Variants in MYRIP observed in about 807,000 individuals in gnomAD.
MYRIP encodes myosin VIIA and Rab interacting protein.
Under a neutral mutation model 98.0 loss-of-function variants are expected in MYRIP, and 49 were observed. That is an observed-to-expected ratio of 0.50 (90% CI 0.40 to 0.63). MYRIP has a LOEUF of 0.63. Ranked by LOEUF, MYRIP falls within the 30% of genes least tolerant of loss-of-function variation. MYRIP has a pLI of 0.00. For missense variants in MYRIP, 1,004 were observed against 1,058.2 expected, an observed-to-expected ratio of 0.95 and a Z score of 0.71; for synonymous variants, 404 against 409.5, an observed-to-expected ratio of 0.99 and a Z score of 0.16.
intron 1 of MYRIP, among the ~76,000 whole-genome samples, chr3:39,887,884 A>G (rs1234297564): frequency 1.3e-5 from 2 of 152,092 alleles, no homozygotes; most frequent in East Asian, 1.9e-4. Flanking sequence ...TACACCAACA[A>G]CAGACAAACA....
chr3:40,093,927 A>G (rs953147320), intron 3 of MYRIP, among the ~76,000 whole-genome samples: 1 of 152,006 alleles, frequency 6.6e-6, no homozygotes, highest in Admixed American at 6.6e-5. Flanking sequence ...TTCCACCTGT[A>G]TATTTCCCCT....
chr3:40,113,521 G>A (rs1274639787), intron 3 of MYRIP, among the ~76,000 whole-genome samples: 2 of 152,188 alleles, frequency 1.3e-5, no homozygotes, highest in Non-Finnish European at 2.9e-5. Context: ...AGCCATATGG[G>A]ATAGTTATTT....
intron 12 of MYRIP, among the ~76,000 whole-genome samples, chr3:40,241,839 T>TTC (rs1171297780): frequency 6.6e-6 from 1 of 152,226 alleles, no homozygotes; most frequent in Admixed American, 6.5e-5. Flanking sequence ...GTGAATATTT[T>TTC]TCAAATGGGT....
At chr3:40,045,553 A>G (rs1264044889) in intron 3 of MYRIP, among the ~76,000 whole-genome samples, 1 of 152,234 alleles carries the variant, frequency 6.6e-6, no homozygotes, top group Non-Finnish European at 1.5e-5. Flanking sequence ...TCTATTTCTC[A>G]GTCAAGGTGG....
rs747061422 is a variant in MYRIP at position 40,023,258 on chromosome 3, G to A, written c.111-20792G>A. 2.4e-4 allele frequency among the ~76,000 whole-genome samples: 36 copies of A among 152,200 alleles called. 1 individual carries two copies. The highest frequency in any genetic ancestry group is 4.1e-4 in the Non-Finnish European group (28 of 68,032). On this transcript the variant is annotated intron_variant, in intron 2 of 16. Transcript: ENST00000302541. Reference sequence around the variant, plus strand: ...TAAAAAAATCTGGATTTGACAATACGTGACTTCAGCTCTCTGATGTGTCAG... The same window carrying A: ...TAAAAAAATCTGGATTTGACAATACATGACTTCAGCTCTCTGATGTGTCAG...
chr3:40,147,153 C>G (rs1365052611), intron 3 of MYRIP, among the ~76,000 whole-genome samples: 1 of 152,140 alleles, frequency 6.6e-6, no homozygotes, highest in East Asian at 1.9e-4. Flanking sequence ...GAATAGTTCA[C>G]TTTTTTCCTA....
At chr3:40,184,548 A>G (rs1575605236) in intron 9 of MYRIP, among the ~76,000 whole-genome samples, 1 of 152,354 alleles carries the variant, frequency 6.6e-6, no homozygotes, top group Non-Finnish European at 1.5e-5. Flanking sequence ...CATGACTCCA[A>G]TTTGCAGGTT....
chr3:39,925,903 C>A (rs1944412994), intron 2 of MYRIP, among the ~76,000 whole-genome samples: 1 of 152,060 alleles, frequency 6.6e-6, no homozygotes, highest in Admixed American at 6.6e-5. Context: ...TGAGAAACCT[C>A]CAAACTACTT....
At chr3:39,951,586 A>G (rs371801771) in intron 2 of MYRIP, among the ~76,000 whole-genome samples, 3 of 152,196 alleles carry the variant, frequency 2.0e-5, no homozygotes, top group African/African-American at 4.8e-5. Context: ...CTATCTTTCA[A>G]TAAACTTTGT....
At chr3:39,876,268 A>T (rs1223028869) in intron 1 of MYRIP, among the ~76,000 whole-genome samples, 1 of 152,176 alleles carries the variant, frequency 6.6e-6, no homozygotes, top group Non-Finnish European at 1.5e-5. Flanking sequence ...TGAATACAGC[A>T]CACTGTTGGG....
intron 10 of MYRIP, among the ~76,000 whole-genome samples, chr3:40,195,593 G>A (rs1412865357): frequency 6.6e-6 from 1 of 152,144 alleles, no homozygotes; most frequent in Non-Finnish European, 1.5e-5. Flanking sequence ...ACTGTGCCTG[G>A]CCAGCTTTTT....
chr3:40,130,885 C>T (rs1326755076), intron 3 of MYRIP, among the ~76,000 whole-genome samples: 1 of 152,122 alleles, frequency 6.6e-6, no homozygotes, highest in Admixed American at 6.5e-5. Context: ...AGTTATATGA[C>T]CATCACAACC....
chr3:40,254,901 A>G (rs1301213951), intron 16 of MYRIP, among the ~76,000 whole-genome samples: 1 of 152,216 alleles, frequency 6.6e-6, no homozygotes, highest in East Asian at 1.9e-4. Context: ...ACAAGGACAA[A>G]TTTATTTTGT....
chr3:40,164,294 A>G lies in MYRIP; in HGVS notation c.550+1484A>G, dbSNP rs547489367. Among the ~76,000 whole-genome samples the G allele has an allele frequency of 2.0e-5, 3 of 152,336 alleles. No homozygotes were observed. The East Asian group carries it at 5.8e-4, about 29-fold the overall frequency. The stretch of plus-strand genomic sequence containing the variant: ...AATTTCAGTGGCCATCTGTATCAGC[A>G]GTGTTCTCCAATACACTAAGTATAT... On this transcript the variant is annotated intron_variant, in intron 5 of 16. Coordinates refer to ENST00000302541, the MANE Select transcript of MYRIP (RefSeq NM_015460.4).
At chr3:40,047,095 C>A (rs1947685591) in intron 3 of MYRIP, among the ~76,000 whole-genome samples, 1 of 152,306 alleles carries the variant, frequency 6.6e-6, no homozygotes, top group East Asian at 1.9e-4. Flanking sequence ...AATGGAAGAA[C>A]CTTGCCTCGC....
chr3:40,037,863 AC>A lies in MYRIP; in HGVS notation c.111-6184del, dbSNP rs577802908. Among the ~76,000 whole-genome samples the A allele has an allele frequency of 1.5e-3, 228 of 151,950 alleles. 1 individual carries two copies. The highest frequency in any genetic ancestry group is 5.4e-3 in the African/African-American group (222 of 41,462). On this transcript the variant is annotated intron_variant, in intron 2 of 16. Transcript: ENST00000302541. ...CTCCTTTAAATACTGAAGTTCCCAA[AC>A]CCTCTTTGGAAAAAGCTTAGGTCAC...
At chr3:40,150,901 A>G (rs533793441) in intron 3 of MYRIP, 147 bp from the exon 4 acceptor site, 22 of 686,778 alleles carry the variant, frequency 3.2e-5, no homozygotes, top group African/African-American at 2.2e-4. Flanking sequence ...ACTATTTTCT[A>G]TGGTCAGAGA....
chr3:39,899,803 A>G (rs1042502746), intron 1 of MYRIP, among the ~76,000 whole-genome samples: 4 of 152,158 alleles, frequency 2.6e-5, no homozygotes, highest in Admixed American at 1.3e-4. Flanking sequence ...GAAATTAAGC[A>G]TTATTCCATA....
intron 2 of MYRIP, among the ~76,000 whole-genome samples, chr3:39,947,331 A>T (rs1471640786): frequency 6.6e-6 from 1 of 152,166 alleles, no homozygotes; most frequent in Non-Finnish European, 1.5e-5. Context: ...CAATTTAAAG[A>T]AAAAGAGTAG....
Sources: gnomAD v4.1 joint callset for allele counts (sites outside exome capture counted in the v4.1 genomes callset) on GRCh38, gnomAD v4.1.1 for gene constraint, MANE v1.5 for transcripts, NCBI Gene and HGNC (gene_info 2026-07-23, HGNC 2026-07-21) for gene names.